The following PHACTR4 variants were observed in gnomAD, a reference collection of about 807,000 sequenced individuals.
PHACTR4 encodes protein phosphatase 1, regulatory subunit 124.
Under a neutral mutation model 72.7 loss-of-function variants are expected in PHACTR4, and 51 were observed. That is an observed-to-expected ratio of 0.70 (90% CI 0.56 to 0.89). PHACTR4 has a LOEUF of 0.89. PHACTR4 is among the 40% of genes least tolerant of loss of function. PHACTR4 has a pLI of 0.00. For missense variants in PHACTR4, 731 were observed against 861.8 expected (o/e 0.85, Z 1.90); for synonymous variants, 255 against 302.5 (o/e 0.84, Z 1.63).
At chr1:28,459,354 C>T (rs1557829646) in intron 3 of PHACTR4, 96 bp downstream of exon 3, 42 of 837,762 alleles carry the variant, frequency 5.0e-5, no homozygotes, top group South Asian at 6.1e-5. Context: ...CTGTAGTCCT[C>T]TATTTGAAGA....
chr1:28,390,019 G>A (rs753473875), intron 1 of PHACTR4, among the ~76,000 whole-genome samples: 31 of 152,152 alleles, frequency 2.0e-4, no homozygotes, highest in Non-Finnish European at 4.3e-4. Flanking sequence ...TATACACAAC[G>A]AAATACTATT....
chr1:28,456,311 G>A lies in PHACTR4; in HGVS notation c.17-2774G>A, dbSNP rs142179739. On this transcript the variant is annotated intron_variant, in intron 2 of 13. Coordinates refer to ENST00000373839, the MANE Select transcript of PHACTR4 (RefSeq NM_001048183.3). Reference sequence around the variant, plus strand: ...AGGGAGATGCCACATACTTTTAAACGACCAGATCTCACGAGAACTCACTCA... The same window carrying A: ...AGGGAGATGCCACATACTTTTAAACAACCAGATCTCACGAGAACTCACTCA... 3.2e-3 allele frequency among the ~76,000 whole-genome samples: 487 copies of A among 152,244 alleles called. 2 individuals are homozygous for A. Among genetic ancestry groups the A allele is most frequent in the African/African-American group, 0.011 (445 of 41,546 alleles).
intron 2 of PHACTR4, among the ~76,000 whole-genome samples, chr1:28,444,761 G>A (rs1314313401): frequency 1.4e-5 from 2 of 145,022 alleles, no homozygotes; most frequent in Admixed American, 6.9e-5. Context: ...GACTACAGGC[G>A]CCTGCCACCG....
intron 2 of PHACTR4, among the ~76,000 whole-genome samples, chr1:28,412,795 C>T (rs1654868224): frequency 6.6e-6 from 1 of 152,108 alleles, no homozygotes; most frequent in African/African-American, 2.4e-5. Flanking sequence ...TCCTAGAGGC[C>T]CTTCTATGGA....
intron 2 of PHACTR4, among the ~76,000 whole-genome samples, chr1:28,430,320 G>A (rs543199824): frequency 2.6e-5 from 4 of 152,102 alleles, no homozygotes; most frequent in Non-Finnish European, 4.4e-5. Flanking sequence ...CACTGCGCCC[G>A]GCCTTCCAGA....
At chr1:28,454,747 AATGTATT>A (rs1658248234) in intron 2 of PHACTR4, among the ~76,000 whole-genome samples, 1 of 152,190 alleles carries the variant, frequency 6.6e-6, no homozygotes, top group African/African-American at 2.4e-5. Context: ...AATTGGAGAT[AATGTATT>A]ATAAATTTGG....
chr1:28,395,067 C>G (rs1392370281), intron 1 of PHACTR4, among the ~76,000 whole-genome samples: 1 of 151,844 alleles, frequency 6.6e-6, no homozygotes, highest in African/African-American at 2.4e-5. Context: ...GCGCCCACCA[C>G]CACCCTGGCT....
intron 6 of PHACTR4, among the ~76,000 whole-genome samples, chr1:28,467,486 A>G (rs1429288435): frequency 6.6e-6 from 1 of 152,072 alleles, no homozygotes; most frequent in Non-Finnish European, 1.5e-5. Context: ...GCACTTGCTG[A>G]AAAATTAGAA....
chr1:28,428,104 G>C (rs1229824065), intron 2 of PHACTR4, among the ~76,000 whole-genome samples: 1 of 152,174 alleles, frequency 6.6e-6, no homozygotes, highest in African/African-American at 2.4e-5. Context: ...GGTTGGAAGG[G>C]ACTTGGCAAT....
chr1:28,485,510 C>T (rs775601207), intron 9 of PHACTR4, among the ~76,000 whole-genome samples: 1 of 151,236 alleles, frequency 6.6e-6, no homozygotes, highest in Non-Finnish European at 1.5e-5. Context: ...TTGCTTGAAC[C>T]CGGGAGGCAG....
At chr1:28,495,681 A>G (rs910624122) in intron 13 of PHACTR4, among the ~76,000 whole-genome samples, 1 of 151,238 alleles carries the variant, frequency 6.6e-6, no homozygotes, top group Non-Finnish European at 1.5e-5. Flanking sequence ...CAGTGGCATG[A>G]TCGTGGCTCA....
At chr1:28,416,169 T>A (rs967348292) in intron 2 of PHACTR4, among the ~76,000 whole-genome samples, 1 of 152,072 alleles carries the variant, frequency 6.6e-6, no homozygotes, top group Admixed American at 6.6e-5. Context: ...GGTGTAGGAG[T>A]TAAATTCCTC....
chr1:28,484,938 C>G (rs984217180), intron 9 of PHACTR4, among the ~76,000 whole-genome samples: 8 of 151,948 alleles, frequency 5.3e-5, no homozygotes, highest in Non-Finnish European at 1.2e-4. Flanking sequence ...TGCACTCCAG[C>G]CTGGGCAACA....
chr1:28,394,821 G>A (rs1270759060), intron 1 of PHACTR4, among the ~76,000 whole-genome samples: 2 of 149,812 alleles, frequency 1.3e-5, no homozygotes, highest in African/African-American at 4.9e-5. Flanking sequence ...GTCTCAAACT[G>A]CCGACCTCAG....
At position 28,452,727 on chromosome 1, in the gene PHACTR4, C is replaced by T. The variant is rs373009644; in HGVS notation, c.17-6358C>T. 3.7e-3 allele frequency among the ~76,000 whole-genome samples: 555 copies of T among 151,346 alleles called. 4 individuals are homozygous for T. The highest frequency in any genetic ancestry group is 0.016 in the South Asian group (74 of 4,760). ...AGAAGAATCACTTGAACCTGGGAGG[C>T]GGAGGTTGCAGTGAGCCAAGATCAC... On this transcript the variant is annotated intron_variant, in intron 2 of 13. Transcript: ENST00000373839.
chr1:28,433,514 C>T (rs1378687713), intron 2 of PHACTR4, among the ~76,000 whole-genome samples: 1 of 135,912 alleles, frequency 7.4e-6, no homozygotes, highest in Non-Finnish European at 1.6e-5. Context: ...CTGGAGTGCA[C>T]TGGCACAATC....
At chr1:28,468,775 A>T (rs1205256681) in intron 6 of PHACTR4, among the ~76,000 whole-genome samples, 1 of 152,154 alleles carries the variant, frequency 6.6e-6, no homozygotes, top group Non-Finnish European at 1.5e-5. Flanking sequence ...TGATTTTAGT[A>T]AGCCTGGGAT....
At chr1:28,477,245 C>T (rs1659985526) in intron 8 of PHACTR4, among the ~76,000 whole-genome samples, 1 of 151,852 alleles carries the variant, frequency 6.6e-6, no homozygotes, top group Admixed American at 6.6e-5. Flanking sequence ...GCCACTAGGC[C>T]CAGCTAATTT....
chr1:28,446,913 TACTA>T (rs1657517609), intron 2 of PHACTR4, among the ~76,000 whole-genome samples: 1 of 152,226 alleles, frequency 6.6e-6, no homozygotes, highest in South Asian at 2.1e-4. Flanking sequence ...GCCAGGCAGA[TACTA>T]GCATCATTCT....
Sources: gnomAD v4.1 joint callset for allele counts (sites outside exome capture counted in the v4.1 genomes callset) on GRCh38, gnomAD v4.1.1 for gene constraint, MANE v1.5 for transcripts, NCBI Gene and HGNC (gene_info 2026-07-23, HGNC 2026-07-21) for gene names.